NGDN: variants seen among roughly 807,000 people sequenced by gnomAD.
NGDN encodes EIF4E-binding protein.
Under a neutral mutation model 45.2 loss-of-function variants are expected in NGDN, and 41 were observed. That is an observed-to-expected ratio of 0.91 (90% confidence interval 0.71 to 1.18). The LOEUF (loss-of-function observed/expected upper bound fraction) is 1.18. Ranked by LOEUF, NGDN falls within the 50% of genes most tolerant of loss-of-function variation. The probability of loss-of-function intolerance (pLI) is 0.00; values close to 1 mark genes in which losing one functional copy is unlikely to be tolerated. For synonymous variants in NGDN, 137 were observed against 130.9 expected (o/e 1.05, Z -0.32); for missense variants, 402 against 399.9 (o/e 1.01, Z -0.05).
chr14:23,474,919 G>T (rs866620333), intron 3 of NGDN, among the ~76,000 whole-genome samples: 4 of 152,024 alleles, frequency 2.6e-5, no homozygotes, highest in Middle Eastern at 3.4e-3. Context: ...AGTCTTTTTT[G>T]GGGGGGTAGT....
Position 23,471,009 on chromosome 14 carries a change from G to A in NGDN, c.144+32G>A, listed in dbSNP as rs769112978. 2.9e-6 allele frequency: 4 copies of A among 1,400,626 alleles called. No individual in the cohort carries two copies. The African/African-American group carries it at 6.0e-5, about 21-fold the overall frequency. The allele number at this position is 1,400,626 out of a possible 1,614,324, so 86.8% of individuals were successfully genotyped here. ...TGTACTCAAACAGTAAGCATCCCCT[G>A]ACTTAATGTTCTCAGTAGTTCTTTC... On this transcript the variant is annotated intron_variant, in intron 3 of 10. Coordinates refer to ENST00000408901, the MANE Select transcript of NGDN (RefSeq NM_001042635.2).
At chr14:23,471,109 G>C in intron 3 of NGDN, 132 bp downstream of exon 3, 1 of 546,214 alleles carries the variant, frequency 1.8e-6, no homozygotes. Flanking sequence ...TTTCTGTGCT[G>C]AAGTCTAGAG....
rs760342585 is a variant in NGDN at position 23,475,158 on chromosome 14, T to C, written c.145-13T>C. 1.2e-6 allele frequency: 2 copies of C among 1,601,632 alleles called. No homozygotes were observed. Among genetic ancestry groups the C allele is most frequent in the South Asian group, 2.3e-5 (2 of 88,564 alleles). ...AACCAAATCTGTTTTTCTTTCTGTT[T>C]TGTTCAACTCAGGGTCTCAGCTTCT... On this transcript the variant is annotated splice_polypyrimidine_tract_variant and intron_variant, in intron 3 of 10. Transcript: ENST00000408901.
chr14:23,471,077 T>G, intron 3 of NGDN, 100 bp downstream of exon 3: 1 of 746,752 alleles, frequency 1.3e-6, no homozygotes, highest in South Asian at 2.8e-5. Flanking sequence ...GTGCTCGAGC[T>G]TCAAACATAA....
chr14:23,471,007 CT>C, intron 3 of NGDN, 30 bp downstream of exon 3: 2 of 1,420,462 alleles, frequency 1.4e-6, no homozygotes, highest in Non-Finnish European at 1.9e-6. Flanking sequence ...TAAGCATCCC[CT>C]GACTTAATGT....
At chr14:23,477,611 A>G in intron 10 of NGDN, 51 bp downstream of exon 10, 2 of 1,610,480 alleles carry the variant, frequency 1.2e-6, no homozygotes, top group Non-Finnish European at 1.7e-6. Context: ...GGGGAGTACA[A>G]ATTGAGTCTC....
chr14:23,478,017 G>T lies in NGDN; in HGVS notation c.939G>T (p.Arg313Ser). The change falls in exon 11 of 11, where the codon AGG (arginine) becomes AGT (serine). Residue 313 changes from arginine (R) to serine (S), a missense_variant. Transcript: ENST00000408901. The part of the protein sequence containing the change: ...QKGRKKKGFR[R>S]RR The stretch of plus-strand genomic sequence containing the variant: ...TTCCCTTCCTTTCAGGTTTTCGGAG[G>T]CGGCGGTGATTATGGGTGTACATAT... 1 of 1,614,048 alleles carries T rather than the reference G, an allele frequency of 6.2e-7. No homozygotes were observed. The highest frequency in any genetic ancestry group is 8.5e-7 in the Non-Finnish European group (1 of 1,179,992).
Position 23,477,525 on chromosome 14 carries a change from G to A in NGDN, c.893G>A (p.Arg298Gln), listed in dbSNP as rs192270150. 66 of 1,614,000 alleles carry A rather than the reference G, an allele frequency of 4.1e-5. No homozygotes were observed. The highest frequency in any genetic ancestry group is 4.0e-5 in the African/African-American group (3 of 74,884). The change falls in exon 10 of 11, where the codon CGG (arginine) becomes CAG (glutamine). Residue 298 changes from arginine (R) to glutamine (Q), a missense_variant. Transcript: ENST00000408901. ...CAGGATCAGAATCCTATTAAGAAGC[G>A]GAAGAAGATACCTCAGAAAGGTCGG... is the stretch of plus-strand genomic sequence containing the variant. ...LDEDQNPIKKRKKIPQKGRKK... is the reference protein window; with the variant it reads ...LDEDQNPIKKQKKIPQKGRKK...
chr14:23,475,985 C>T, intron 6 of NGDN, 44 bp from the exon 7 acceptor site: 1 of 1,613,066 alleles, frequency 6.2e-7, no homozygotes, highest in South Asian at 1.1e-5. Context: ...TCTCACTTAT[C>T]TCATGAATGC....
Position 23,470,030 on chromosome 14 carries a change from T to G in NGDN, c.13-12T>G, listed in dbSNP as rs1566549218. ...GAATGACTTTTCTTTACGCCTCCTC[T>G]CCCTTCTGTAGGGGGTGCTGGAGTC... On this transcript the variant is annotated splice_polypyrimidine_tract_variant and intron_variant, in intron 1 of 10. Transcript: ENST00000408901. The G allele has an allele frequency of 6.2e-7, 1 of 1,613,718 alleles. No individual in the cohort carries two copies. Among genetic ancestry groups the G allele is most frequent in the South Asian group, 1.1e-5 (1 of 91,072 alleles).
In NGDN at chr14:23,475,027, T is replaced by C. The variant is rs935129483; in HGVS notation, c.145-144T>C. ...TCTCATTGGCCTTCTTAGGCATAGC[T>C]ACTTCTTGAGACTATTCCAGATACC... On this transcript the variant is annotated intron_variant, in intron 3 of 10. Transcript: ENST00000408901. 1.7e-5 allele frequency: 11 copies of C among 635,820 alleles called. No individual in the cohort carries two copies. The Admixed American group carries it at 3.9e-4, about 23-fold the overall frequency. The allele number at this position is 635,820 out of a possible 1,614,324, so 39.4% of individuals were successfully genotyped here.
At chr14:23,472,483 G>C (rs1185403138) in intron 3 of NGDN, among the ~76,000 whole-genome samples, 1 of 152,142 alleles carries the variant, frequency 6.6e-6, no homozygotes, top group Non-Finnish European at 1.5e-5. Context: ...CTGGGCAGCA[G>C]AGCAAGACTC....
chr14:23,477,997 T>A lies in NGDN; in HGVS notation c.929-10T>A. On this transcript the variant is annotated splice_polypyrimidine_tract_variant and intron_variant, in intron 10 of 10. Transcript: ENST00000408901. The stretch of plus-strand genomic sequence containing the variant: ...TCCTTTGCCTCATTCTTGGTTTCCC[T>A]TCCTTTCAGGTTTTCGGAGGCGGCG... 1 of 1,614,186 alleles carries A rather than the reference T, an allele frequency of 6.2e-7. No homozygotes were observed. The highest frequency in any genetic ancestry group is 8.5e-7 in the Non-Finnish European group (1 of 1,180,028).
At chr14:23,477,478 C>G (rs1220673632) in intron 9 of NGDN, 25 bp from the exon 10 acceptor site, 2 of 1,613,866 alleles carry the variant, frequency 1.2e-6, no homozygotes, top group African/African-American at 2.7e-5. Flanking sequence ...CAGTGCCATT[C>G]CATCACTTCT....
chr14:23,478,183 C>G (rs1354887312), downstream of NGDN: 3 of 712,002 alleles, frequency 4.2e-6, no homozygotes, highest in East Asian at 5.6e-5. Context: ...ATTAAAGCCC[C>G]TTTTTGCACA....
intron 3 of NGDN, 102 bp from the exon 4 acceptor site, chr14:23,475,069 G>T (rs1893865335): frequency 7.9e-7 from 1 of 1,264,004 alleles, no homozygotes; most frequent in East Asian, 2.4e-5. Flanking sequence ...GAACTGATTG[G>T]GAAAATCTTG....
At chr14:23,477,766 C>CT in intron 10 of NGDN, 2 of 1,456,050 alleles carry the variant, frequency 1.4e-6, no homozygotes, top group Non-Finnish European at 9.0e-7. Context: ...GATTCTGCCT[C>CT]TAAGGTCCCA....
chr14:23,469,873 T>C, intron 1 of NGDN, 146 bp downstream of exon 1: 2 of 1,257,934 alleles, frequency 1.6e-6, no homozygotes, highest in East Asian at 4.7e-5. Flanking sequence ...ACCGTTCCTG[T>C]CCGGTAACCC....
chr14:23,477,524 C>G lies in NGDN; in HGVS notation c.892C>G (p.Arg298Gly). 1 of 1,614,066 alleles carries G rather than the reference C, an allele frequency of 6.2e-7. No homozygotes were observed. The highest frequency in any genetic ancestry group is 8.5e-7 in the Non-Finnish European group (1 of 1,180,010). ...CCAGGATCAGAATCCTATTAAGAAG[C>G]GGAAGAAGATACCTCAGAAAGGTCG... Reference protein sequence around the residue: ...LDEDQNPIKKRKKIPQKGRKK... With the variant: ...LDEDQNPIKKGKKIPQKGRKK... The change falls in exon 10 of 11, where the codon CGG (arginine) becomes GGG (glycine). Residue 298 changes from arginine (R) to glycine (G), a missense_variant. Arg to Gly is a moderately radical substitution (Grantham distance 125). Coordinates refer to ENST00000408901, the MANE Select transcript of NGDN (RefSeq NM_001042635.2).
Sources: gnomAD v4.1 joint callset for allele counts (sites outside exome capture counted in the v4.1 genomes callset) on GRCh38, gnomAD v4.1.1 for gene constraint, MANE v1.5 for transcripts, NCBI Gene and HGNC (gene_info 2026-07-23, HGNC 2026-07-21) for gene names.